The following ERBB4 variants were observed in gnomAD, a reference collection of about 807,000 sequenced individuals.
ERBB4 encodes erb-b2 receptor tyrosine kinase 4, also known as receptor tyrosine-protein kinase erbB-4.
A neutral mutation model predicts 158.0 loss-of-function variants in ERBB4; 42 were observed. That is an observed-to-expected ratio of 0.27 (90% CI 0.21 to 0.34). The LOEUF (loss-of-function observed/expected upper bound fraction) is 0.34. Among genes scored for constraint, ERBB4 ranks in the 10% least tolerant of loss-of-function variants. The pLI is 1.00. For missense variants in ERBB4, 1,333 were observed against 1,624.1 expected (o/e 0.82, Z 3.08); for synonymous variants, 583 against 558.7 (o/e 1.04, Z -0.61).
chr2:211,446,908 C>T (rs2064125136), intron 20 of ERBB4, among the ~76,000 whole-genome samples: 1 of 151,954 alleles, frequency 6.6e-6, no homozygotes, highest in African/African-American at 2.4e-5. Context: ...TTTTATCTAT[C>T]ATATATTTTT....
intron 1 of ERBB4, among the ~76,000 whole-genome samples, chr2:212,217,931 A>G (rs2083155160): frequency 6.6e-6 from 1 of 151,340 alleles, no homozygotes; most frequent in Admixed American, 6.6e-5. Flanking sequence ...TTAAATCTTA[A>G]GACAGAATGT....
intron 19 of ERBB4, among the ~76,000 whole-genome samples, chr2:211,564,364 C>A (rs2067489409): frequency 6.6e-6 from 1 of 152,118 alleles, no homozygotes. Context: ...CTCCTTCTTC[C>A]CTTTACCTCT....
intron 1 of ERBB4, among the ~76,000 whole-genome samples, chr2:212,142,711 A>G (rs1186963136): frequency 6.6e-6 from 1 of 151,340 alleles, no homozygotes; most frequent in African/African-American, 2.4e-5. Flanking sequence ...TAGAGACAGA[A>G]ATGGAATGAG....
chr2:211,863,165 TA>T (rs1320866280), intron 3 of ERBB4, among the ~76,000 whole-genome samples: 3 of 148,564 alleles, frequency 2.0e-5, no homozygotes. Flanking sequence ...TAAAGGATTG[TA>T]AACACACCAA....
chr2:211,707,409 T>C lies in ERBB4; in HGVS notation c.1125-2018A>G, dbSNP rs1035928279. Among the ~76,000 whole-genome samples, 63 of 152,166 alleles carry C rather than the reference T, an allele frequency of 4.1e-4. 1 individual carries two copies. Among genetic ancestry groups the C allele is most frequent in the Admixed American group, 5.9e-4 (9 of 15,252 alleles). On this transcript the variant is annotated intron_variant, in intron 9 of 27. Coordinates refer to ENST00000342788, the MANE Select transcript of ERBB4 (RefSeq NM_005235.3). ...GAGCCATGCAAAAGAACACTACGTC[T>C]ACCGTGTCATTGTGTTTGGTGATCC...
chr2:211,767,923 A>G (rs2075593348), intron 4 of ERBB4, among the ~76,000 whole-genome samples: 1 of 152,086 alleles, frequency 6.6e-6, no homozygotes, highest in Non-Finnish European at 1.5e-5. Context: ...AGACCCCCAA[A>G]AGTCTTAGCT....
At position 211,914,633 on chromosome 2, in the gene ERBB4, T is replaced by C. The variant is rs531726205; in HGVS notation, c.421+32797A>G. ...AAATTACATGTTATAGGTGGAACTATAAATGCATGTATAAGAGTTAAACAT... is the reference window on the plus strand; with the variant it reads ...AAATTACATGTTATAGGTGGAACTACAAATGCATGTATAAGAGTTAAACAT... On this transcript the variant is annotated intron_variant, in intron 3 of 27. Coordinates refer to ENST00000342788, the MANE Select transcript of ERBB4 (RefSeq NM_005235.3). 1.6e-3 allele frequency among the ~76,000 whole-genome samples: 248 copies of C among 152,242 alleles called. 6 individuals carry two copies. The South Asian group carries it at 0.03, about 19-fold the overall frequency.
rs2125307691 is a variant in ERBB4 at position 211,383,624 on chromosome 2, A to G, written c.3918T>C (p.Thr1306=). 6.2e-7 allele frequency: 1 copy of G among 1,612,922 alleles called. No individual in the cohort carries two copies. Among genetic ancestry groups the G allele is most frequent in the African/African-American group, 1.3e-5 (1 of 74,988 alleles). The change falls in exon 28 of 28, where the codon ACT becomes ACC. Residue 1306 remains threonine (T), a synonymous_variant. Transcript: ENST00000342788. The part of the protein sequence containing the change: ...LPPPPYRHRN[T]VV Reference sequence around the variant, plus strand: ...AAAACCACAACTGAGCTTACACCACAGTATTCCGGTGTCTGTAAGGTGGAG... The same window carrying G: ...AAAACCACAACTGAGCTTACACCACGGTATTCCGGTGTCTGTAAGGTGGAG...
intron 20 of ERBB4, among the ~76,000 whole-genome samples, chr2:211,543,272 A>G (rs1340597724): frequency 2.0e-5 from 3 of 151,966 alleles, no homozygotes; most frequent in African/African-American, 7.2e-5. Context: ...CTTTGAGAAT[A>G]TTATTTCTGT....
intron 1 of ERBB4, among the ~76,000 whole-genome samples, chr2:212,396,035 T>G (rs2091016150): frequency 6.6e-6 from 1 of 152,160 alleles, no homozygotes; most frequent in Non-Finnish European, 1.5e-5. Flanking sequence ...AACTGATGGT[T>G]TTATGTGCTT....
intron 2 of ERBB4, among the ~76,000 whole-genome samples, chr2:211,953,507 G>A (rs924240208): frequency 8.8e-4 from 121 of 137,282 alleles, no homozygotes; most frequent in African/African-American, 3.0e-3. Context: ...GAATGCCCTA[G>A]CAAAGACAAA....
chr2:212,475,160 A>G lies in ERBB4; in HGVS notation c.82+63289T>C, dbSNP rs76101554. The stretch of plus-strand genomic sequence containing the variant: ...TCTTCATAGTCTACATCTCCAACTT[A>G]CTACTAGCACCTCTAGCTATGCCAG... On this transcript the variant is annotated intron_variant, in intron 1 of 27. Coordinates refer to ENST00000342788, the MANE Select transcript of ERBB4 (RefSeq NM_005235.3). Among the ~76,000 whole-genome samples, 1,201 of 152,210 alleles carry G rather than the reference A, an allele frequency of 7.9e-3. 18 individuals are homozygous for G. Among genetic ancestry groups the G allele is most frequent in the African/African-American group, 0.028 (1,155 of 41,514 alleles).
intron 1 of ERBB4, among the ~76,000 whole-genome samples, chr2:212,247,994 G>A: frequency 6.6e-6 from 1 of 152,008 alleles, no homozygotes; most frequent in Non-Finnish European, 1.5e-5. Flanking sequence ...AATTAATGGT[G>A]TTTTAAAGCA....
intron 1 of ERBB4, among the ~76,000 whole-genome samples, chr2:212,286,603 T>TTTTTTTTTTGTTTG (rs1559928626): frequency 9.3e-5 from 12 of 128,772 alleles, no homozygotes; most frequent in African/African-American, 3.6e-4. Flanking sequence ...ACTTTTTTTT[T>TTTTTTTTTTGTTTG]TTTTTTTTTT....
chr2:212,064,058 C>T (rs1211556362), intron 2 of ERBB4, among the ~76,000 whole-genome samples: 3 of 149,530 alleles, frequency 2.0e-5, no homozygotes, highest in Non-Finnish European at 4.5e-5. Context: ...TCTTTCCCTG[C>T]CTGGAGAACA....
intron 4 of ERBB4, among the ~76,000 whole-genome samples, chr2:211,776,564 G>A (rs2075881790): frequency 6.6e-6 from 1 of 152,186 alleles, no homozygotes; most frequent in South Asian, 2.1e-4. Flanking sequence ...ATCTGTTTAT[G>A]AGGTTGTGTG....
chr2:212,424,703 T>A (rs772746209), intron 1 of ERBB4, among the ~76,000 whole-genome samples: 1 of 147,034 alleles, frequency 6.8e-6, no homozygotes, highest in Non-Finnish European at 1.5e-5. Flanking sequence ...GATTAACAAA[T>A]TTTTTTTTGT....
At chr2:212,451,712 T>A (rs1189938510) in intron 1 of ERBB4, among the ~76,000 whole-genome samples, 1 of 152,200 alleles carries the variant, frequency 6.6e-6, no homozygotes. Context: ...CTTCAAATAT[T>A]ATTAACTCTA....
At chr2:211,940,562 G>A (rs149780944) in intron 3 of ERBB4, among the ~76,000 whole-genome samples, 5,236 of 152,162 alleles carry the variant, frequency 0.034, 129 homozygotes, top group Middle Eastern at 0.088. Context: ...ATAATGCTAG[G>A]CTTCCCCTAA....
Sources: gnomAD v4.1 joint callset for allele counts (sites outside exome capture counted in the v4.1 genomes callset) on GRCh38, gnomAD v4.1.1 for gene constraint, MANE v1.5 for transcripts, NCBI Gene and HGNC (gene_info 2026-07-23, HGNC 2026-07-21) for gene names.